The following BRCA2 variants were observed in gnomAD, a reference collection of about 807,000 sequenced individuals.
BRCA2 encodes the protein breast cancer type 2 susceptibility protein.
BRCA2 carries 203 observed loss-of-function variants against 276.7 expected under a neutral mutation model. The observed-to-expected ratio is 0.73, with a 90% CI of 0.65 to 0.82. The LOEUF (loss-of-function observed/expected upper bound fraction) is 0.82. Among genes scored for constraint, BRCA2 ranks in the 40% least tolerant of loss-of-function variants. The pLI is 0.00. For missense variants in BRCA2, 3,920 were observed against 3,915.0 expected (o/e 1.00, Z -0.03); for synonymous variants, 1,289 against 1,338.4 (o/e 0.96, Z 0.81).
At chr13:32,383,956 A>G (rs530021823) in intron 24 of BRCA2, among the ~76,000 whole-genome samples, 1 of 152,334 alleles carries the variant, frequency 6.6e-6, no homozygotes, top group East Asian at 1.9e-4. Context: ...CTTGGGAGCA[A>G]CAGAGTATTG....
In BRCA2 at chr13:32,340,498, A is replaced by C. The variant is rs80358853; in HGVS notation, c.6143A>C (p.Asn2048Thr). 3 of 1,613,680 alleles carry C rather than the reference A, an allele frequency of 1.9e-6. No individual in the cohort carries two copies. The highest frequency in any genetic ancestry group is 1.7e-6 in the Non-Finnish European group (2 of 1,179,784). ...HLISQKGFSY[N>T]VVNSSAFSGF... ...ATATCCCAAAAAGGCTTTTCATATA[A>C]TGTGGTAAATTCATCTGCTTTCTCT... Residue 2048 changes from asparagine (N) to threonine (T), a missense_variant, in exon 11 of 27, where the codon AAT (asparagine) becomes ACT (threonine). Physicochemically the swap from Asn to Thr is moderately conservative, Grantham distance 65. This residue lies in a region of BRCA2 where 3,263 missense variants were observed against 3,156.9 expected (regional missense o/e 1.03). Transcript: ENST00000380152.
chr13:32,325,537 A>ATTTT (rs932880258), intron 4 of BRCA2, among the ~76,000 whole-genome samples: 1 of 146,686 alleles, frequency 6.8e-6, no homozygotes, highest in Non-Finnish European at 1.5e-5. Flanking sequence ...TACTTTACAA[A>ATTTT]TTTTTTTTTT....
chr13:32,362,714 T>G (rs758116464), intron 17 of BRCA2, 21 bp downstream of exon 17: 2 of 1,612,816 alleles, frequency 1.2e-6, no homozygotes, highest in East Asian at 4.5e-5. Context: ...AGCATTACAT[T>G]ACGTAATCAT....
At chr13:32,349,850 C>A (rs1053107974) in intron 13 of BRCA2, among the ~76,000 whole-genome samples, 1 of 149,262 alleles carries the variant, frequency 6.7e-6, no homozygotes, top group Non-Finnish European at 1.5e-5. Flanking sequence ...CAGCAATACT[C>A]ATGAAGCTGG....
In BRCA2 at chr13:32,338,579, G is replaced by A. The variant is rs863224306; in HGVS notation, c.4224G>A (p.Gln1408=). Residue 1408 remains glutamine (Q), a synonymous_variant, in exon 11 of 27, where the codon CAG becomes CAA. Transcript: ENST00000380152. ...ATGGTAATACTTCAAATAAAGAACA[G>A]TTAACTGCTACTAAAACGGAGCAAA... ...ACHGNTSNKE[Q]LTATKTEQNI... 1 of 1,597,836 alleles carries A rather than the reference G, an allele frequency of 6.3e-7. No homozygotes were observed. Among genetic ancestry groups the A allele is most frequent in the Non-Finnish European group, 8.5e-7 (1 of 1,171,840 alleles).
In BRCA2 at chr13:32,339,450, G is replaced by C. The variant is rs80358731; in HGVS notation, c.5095G>C (p.Asp1699His). The change falls in exon 11 of 27, where the codon GAT becomes CAT. Residue 1699 changes from aspartate (D) to histidine (H), a missense_variant. Transcript: ENST00000380152. ...AAAATGGCTTAGAGAAGGAATATTTGATGGTCAACCAGAAAGAATAAATAC... is the reference window on the plus strand; with the variant it reads ...AAAATGGCTTAGAGAAGGAATATTTCATGGTCAACCAGAAAGAATAAATAC... Reference protein sequence around the residue: ...AKKWLREGIFDGQPERINTAD... With the variant: ...AKKWLREGIFHGQPERINTAD... 1 of 1,587,408 alleles carries C rather than the reference G, an allele frequency of 6.3e-7. No individual in the cohort carries two copies. The highest frequency in any genetic ancestry group is 1.2e-5 in the South Asian group (1 of 86,098).
rs786202836 is a variant in BRCA2, at chr13:32,339,481, A to G, written c.5126A>G (p.Asp1709Gly). 6.3e-7 allele frequency: 1 copy of G among 1,583,484 alleles called. No homozygotes were observed. Among genetic ancestry groups the G allele is most frequent in the Non-Finnish European group, 8.6e-7 (1 of 1,167,062 alleles). The change falls in exon 11 of 27, where the codon GAT becomes GGT. Residue 1709 changes from aspartate to glycine, a missense_variant. Physicochemically the swap from Asp to Gly is moderately conservative, Grantham distance 94 (BLOSUM62 -1). Coordinates refer to ENST00000380152, the MANE Select transcript of BRCA2 (RefSeq NM_000059.4). ...DGQPERINTA[D>G]YVGNYLYENN... The stretch of plus-strand genomic sequence containing the variant: ...CAACCAGAAAGAATAAATACTGCAG[A>G]TTATGTAGGAAATTATTTGTATGAA...
intron 13 of BRCA2, among the ~76,000 whole-genome samples, chr13:32,351,605 CAG>C (rs1294224303): frequency 6.6e-6 from 1 of 152,090 alleles, no homozygotes; most frequent in African/African-American, 2.4e-5. Context: ...GCTGTGTTGA[CAG>C]AGCTGAATTT....
At chr13:32,353,608 G>C (rs1359163434) in intron 13 of BRCA2, among the ~76,000 whole-genome samples, 2 of 152,138 alleles carry the variant, frequency 1.3e-5, no homozygotes, top group Admixed American at 6.6e-5. Flanking sequence ...TTGTTTGTCT[G>C]TTTCCTTCCA....
rs758795405 is a variant in BRCA2 at position 32,338,653 on chromosome 13, G to A, written c.4298G>A (p.Gly1433Glu). 6 of 1,597,132 alleles carry A rather than the reference G, an allele frequency of 3.8e-6. No individual in the cohort carries two copies. Among genetic ancestry groups the A allele is most frequent in the Non-Finnish European group, 5.1e-6 (6 of 1,169,350 alleles). The change falls in exon 11 of 27, where the codon GGG (glycine) becomes GAG (glutamate). Residue 1433 changes from glycine (G) to glutamate (E), a missense_variant. Around this residue, in one of 2 missense-constraint regions of BRCA2, gnomAD observed 3,263 missense variants for 3,156.9 expected, o/e 1.03. Coordinates refer to ENST00000380152, the MANE Select transcript of BRCA2 (RefSeq NM_000059.4). ...GATACATTTTTTCAGACTGCAAGTG[G>A]GAAAAATATTAGTGTCGCCAAAGAG... ...TSDTFFQTAS[G>E]KNISVAKESF...
In BRCA2 at chr13:32,337,166, A is replaced by G. The variant is rs1239552717; in HGVS notation, c.2811A>G (p.Gln937=). ...TATATGGAGACACAGGTGATAAACA[A>G]GCAACCCAAGTGTCAATTAAAAAAG... ...MVLYGDTGDK[Q]ATQVSIKKDL... Residue 937 remains glutamine, a synonymous_variant, in exon 11 of 27, where the codon CAA becomes CAG. Transcript: ENST00000380152. 1 of 1,613,910 alleles carries G rather than the reference A, an allele frequency of 6.2e-7. No individual in the cohort carries two copies. Among genetic ancestry groups the G allele is most frequent in the East Asian group, 2.2e-5 (1 of 44,832 alleles).
chr13:32,333,137 A>G lies in BRCA2; in HGVS notation c.1659A>G (p.Leu553=), dbSNP rs786201343. The part of the protein sequence containing the change: ...HTVCSQKEDS[L]CPNLIDNGSW... Reference sequence around the variant, plus strand: ...TTTGCTCACAGAAGGAGGACTCCTTATGTCCAAATTTAATTGATAATGGAA... The same window carrying G: ...TTTGCTCACAGAAGGAGGACTCCTTGTGTCCAAATTTAATTGATAATGGAA... The change falls in exon 10 of 27, where the codon TTA becomes TTG. Residue 553 remains leucine, a synonymous_variant. Transcript: ENST00000380152. 6.2e-7 allele frequency: 1 copy of G among 1,614,014 alleles called. No homozygotes were observed. Among genetic ancestry groups the G allele is most frequent in the Non-Finnish European group, 8.5e-7 (1 of 1,180,022 alleles).
At chr13:32,360,971 G>A (rs2072734241) in intron 16 of BRCA2, among the ~76,000 whole-genome samples, 1 of 152,242 alleles carries the variant, frequency 6.6e-6, no homozygotes, top group South Asian at 2.1e-4. Context: ...GAAGACCAAA[G>A]ATGGAGGGAA....
At position 32,341,215 on chromosome 13, in the gene BRCA2, CT is replaced by C; in HGVS notation, c.6841+22del. ...TTAGTGGGTAAGTGTTCATTTTTACCTTTCGTGTTGCCAATCACTATTTTTA... is the reference window on the plus strand; with the variant it reads ...TTAGTGGGTAAGTGTTCATTTTTACCTTCGTGTTGCCAATCACTATTTTTA... On this transcript the variant is annotated intron_variant, in intron 11 of 26. Coordinates refer to ENST00000380152, the MANE Select transcript of BRCA2 (RefSeq NM_000059.4). The C allele has an allele frequency of 3.7e-6, 6 of 1,613,632 alleles. No homozygotes were observed. The highest frequency in any genetic ancestry group is 5.1e-6 in the Non-Finnish European group (6 of 1,179,872).
Position 32,357,880 on chromosome 13 carries a change from T to C in BRCA2, c.7756T>C (p.Trp2586Arg). Reference sequence around the variant, plus strand: ...AGGAATACAGTTGGCTGATGGTGGATGGCTCATACCCTCCAATGATGGAAA... The same window carrying C: ...AGGAATACAGTTGGCTGATGGTGGACGGCTCATACCCTCCAATGATGGAAA... ...GKGIQLADGG[W>R]LIPSNDGKAG... Residue 2586 changes from tryptophan (W) to arginine (R), a missense_variant, in exon 16 of 27, where the codon TGG becomes CGG. By Grantham distance (101) the Trp-to-Arg change is moderately radical. Coordinates refer to ENST00000380152, the MANE Select transcript of BRCA2 (RefSeq NM_000059.4). The C allele has an allele frequency of 6.2e-7, 1 of 1,614,152 alleles. No homozygotes were observed.
At chr13:32,395,964 T>A (rs112007429) in intron 25 of BRCA2, 1 of 125,544 alleles carries the variant, frequency 8.0e-6, no homozygotes. Flanking sequence ...TTCTTTCTTT[T>A]TTTTTTTTTT....
rs80359811 is a variant in BRCA2 at position 32,398,251 on chromosome 13, C to A, written c.9738C>A (p.Ala3246=). Residue 3246 remains alanine (A), a synonymous_variant, in exon 27 of 27, where the codon GCC becomes GCA. Transcript: ENST00000380152. The part of the protein sequence containing the change: ...KRKSVSTPVS[A]QMTSKSCKGE... ...AGTCTGTTTCCACACCTGTCTCAGC[C>A]CAGATGACTTCAAAGTCTTGTAAAG... 1 of 1,614,042 alleles carries A rather than the reference C, an allele frequency of 6.2e-7. No individual in the cohort carries two copies. Among genetic ancestry groups the A allele is most frequent in the Non-Finnish European group, 8.5e-7 (1 of 1,180,008 alleles).
intron 18 of BRCA2, among the ~76,000 whole-genome samples, chr13:32,369,807 C>T (rs1025424246): frequency 2.6e-5 from 4 of 152,156 alleles, no homozygotes; most frequent in African/African-American, 9.7e-5. Context: ...CTCCTGACCT[C>T]AGGTGATACG....
Position 32,329,503 on chromosome 13 carries a change from A to T in BRCA2, c.681+11A>T, listed in dbSNP as rs528919073. 1 of 1,580,512 alleles carries T rather than the reference A, an allele frequency of 6.3e-7. No individual in the cohort carries two copies. Among genetic ancestry groups the T allele is most frequent in the East Asian group, 2.2e-5 (1 of 44,564 alleles). On this transcript the variant is annotated intron_variant, in intron 8 of 26. Transcript: ENST00000380152. ...CATGATACTACTGCTGTAAGTAAAT[A>T]TGACATTGATTAGACTGTTGAAATT...
Sources: allele counts gnomAD v4.1 joint callset (sites outside exome capture counted in the v4.1 genomes callset), GRCh38; gene constraint gnomAD v4.1.1; regional missense constraint gnomAD v4.1.1; transcripts MANE v1.5; gene names NCBI Gene and HGNC (gene_info 2026-07-23, HGNC 2026-07-21).